The following LHX1 variants were observed in gnomAD, a reference collection of about 807,000 sequenced individuals.
LHX1 encodes the protein LIM/homeobox protein Lhx1.
A neutral mutation model predicts 34.1 loss-of-function variants in LHX1; 9 were observed. The observed-to-expected ratio is 0.26, with a 90% CI of 0.16 to 0.46. LHX1 has a LOEUF of 0.46. LHX1 is among the 20% of genes least tolerant of loss of function. The pLI is 1.00. For missense variants in LHX1, 446 were observed against 559.1 expected, an observed-to-expected ratio of 0.80 and a Z score of 2.04; for synonymous variants, 254 against 241.5, an observed-to-expected ratio of 1.05 and a Z score of -0.48.
chr17:36,939,927 G>C, intron 1 of LHX1: 1 of 409,284 alleles, frequency 2.4e-6, no homozygotes, highest in South Asian at 3.8e-5. Flanking sequence ...CGTTCCCCCC[G>C]CCCACACAGG....
intron 4 of LHX1, 84 bp downstream of exon 4, chr17:36,942,449 C>T (rs893103125): frequency 2.8e-6 from 4 of 1,409,872 alleles, no homozygotes; most frequent in African/African-American, 2.9e-5. Context: ...GGGCACGCCT[C>T]GCTCTCTGTA....
At chr17:36,937,162 A>G (rs1446284432), upstream of LHX1, 3 of 443,128 alleles carry the variant, frequency 6.8e-6, no homozygotes, top group Non-Finnish European at 1.4e-5. Context: ...ACGGAGGCAG[A>G]CAGAGCGTGG....
chr17:36,939,022 T>C (rs186788448), intron 1 of LHX1, among the ~76,000 whole-genome samples: 3 of 152,180 alleles, frequency 2.0e-5, no homozygotes, highest in Non-Finnish European at 4.4e-5. Context: ...AGTTGTCTGG[T>C]GGTTCGGCTT....
intron 3 of LHX1, among the ~76,000 whole-genome samples, 193 bp from the exon 4 acceptor site, chr17:36,942,007 C>G (rs1468809746): frequency 1.3e-5 from 2 of 152,222 alleles, no homozygotes; most frequent in Non-Finnish European, 2.9e-5. Flanking sequence ...GATTCCTGCT[C>G]ACCATTGGCT....
chr17:36,941,180 G>A (rs984366727), intron 3 of LHX1: 2 of 683,790 alleles, frequency 2.9e-6, no homozygotes, highest in African/African-American at 3.5e-5. Flanking sequence ...AGAGAGTGGG[G>A]AGCCCTCTTT....
rs111599710 is a variant in LHX1, at chr17:36,937,933, G to A, written c.-265G>A. 0.026 allele frequency: 15,568 copies of A among 601,460 alleles called. 290 individuals carry two copies. Among genetic ancestry groups the A allele is most frequent in the African/African-American group, 0.045 (2,407 of 54,042 alleles). 37.3% of individuals were successfully genotyped at this position (601,460 alleles called of 1,614,324 possible). A position where few individuals can be genotyped will look rare whatever the true frequency, so the allele number is the denominator to read the frequency against. On this transcript the variant is annotated 5_prime_UTR_variant, in exon 1 of 5. Coordinates refer to ENST00000614239, the MANE Select transcript of LHX1 (RefSeq NM_005568.5). Reference sequence around the variant, plus strand: ...GCCTGAGACTTCTTTTCCTCGCCCCGGGAGCTCAGGCGGCGCCGCTCCAGC... The same window carrying A: ...GCCTGAGACTTCTTTTCCTCGCCCCAGGAGCTCAGGCGGCGCCGCTCCAGC...
At chr17:36,942,722 A>G in intron 4 of LHX1, 30 bp from the exon 5 acceptor site, 1 of 1,462,276 alleles carries the variant, frequency 6.8e-7, no homozygotes, top group South Asian at 1.4e-5. Flanking sequence ...CCGGGCCCTG[A>G]CGTCCTGCGC....
Position 36,942,785 on chromosome 17 carries a change from A to G in LHX1, c.875A>G (p.Asn292Ser), listed in dbSNP as rs2070774388. The change falls in exon 5 of 5, where the codon AAC (asparagine) becomes AGC (serine). Residue 292 changes from asparagine (N) to serine (S), a missense_variant. Transcript: ENST00000614239. ...AGCGAGTACTACGGGCCCGGGGGCAACTACGACTTCTTCCCGCAAGGCCCC... is the reference window on the plus strand; with the variant it reads ...AGCGAGTACTACGGGCCCGGGGGCAGCTACGACTTCTTCCCGCAAGGCCCC... ...YQSEYYGPGG[N>S]YDFFPQGPPS... 5 of 1,544,116 alleles carry G rather than the reference A, an allele frequency of 3.2e-6. No individual in the cohort carries two copies. The highest frequency in any genetic ancestry group is 4.4e-6 in the Non-Finnish European group (5 of 1,141,964).
At chr17:36,940,934 A>T (rs373422723) in intron 3 of LHX1, 47 bp downstream of exon 3, 24 of 1,545,012 alleles carry the variant, frequency 1.6e-5, no homozygotes, top group Non-Finnish European at 2.0e-5. Context: ...CCACACTGCC[A>T]CTTTGGGCAC....
intron 2 of LHX1, 28 bp downstream of exon 2, chr17:36,940,544 G>C (rs1443987979): frequency 6.2e-7 from 1 of 1,613,736 alleles, no homozygotes; most frequent in Non-Finnish European, 8.5e-7. Flanking sequence ...GGCTGGCTAG[G>C]TGCAAGCGGG....
At chr17:36,941,026 G>C (rs1176603130) in intron 3 of LHX1, 139 bp downstream of exon 3, 2 of 1,310,920 alleles carry the variant, frequency 1.5e-6, no homozygotes. Context: ...CACATCCCGA[G>C]CCTGCGGGAC....
chr17:36,941,094 G>A (rs1443961726), intron 3 of LHX1: 1 of 823,116 alleles, frequency 1.2e-6, no homozygotes. Context: ...GCCCAACAGA[G>A]GTGATCGTGG....
intron 3 of LHX1, chr17:36,941,439 C>G: frequency 3.1e-6 from 1 of 320,400 alleles, no homozygotes; most frequent in Non-Finnish European, 6.1e-6. Context: ...TGGGAGCCTA[C>G]CTGGAGGCAG....
In LHX1 at chr17:36,940,902, C is replaced by G; in HGVS notation, c.675+15C>G. 1 of 1,569,450 alleles carries G rather than the reference C, an allele frequency of 6.4e-7. No individual in the cohort carries two copies. Among genetic ancestry groups the G allele is most frequent in the Non-Finnish European group, 8.6e-7 (1 of 1,162,620 alleles). On this transcript the variant is annotated intron_variant, in intron 3 of 4. Coordinates refer to ENST00000614239, the MANE Select transcript of LHX1 (RefSeq NM_005568.5). The stretch of plus-strand genomic sequence containing the variant: ...GCGTCATTCAGGTCAGGCCCCGGCG[C>G]GCCTCTCCATCCCACAGAGGCCCAC...
chr17:36,941,102 T>C (rs1025016813), intron 3 of LHX1: 1 of 796,682 alleles, frequency 1.3e-6, no homozygotes, highest in South Asian at 1.5e-5. Context: ...GAGGTGATCG[T>C]GGCAGTGGAG....
chr17:36,938,255 C>G lies in LHX1; in HGVS notation c.58C>G (p.Leu20Val), dbSNP rs2070742002. The G allele has an allele frequency of 6.2e-7, 1 of 1,614,010 alleles. No individual in the cohort carries two copies. The highest frequency in any genetic ancestry group is 1.3e-5 in the African/African-American group (1 of 74,908). ...CCTGGACCGCTTTCTCTTGAACGTG[C>G]TGGACAGGGCCTGGCACGTCAAGTG... ...PILDRFLLNV[L>V]DRAWHVKCVQ... The change falls in exon 1 of 5, where the codon CTG becomes GTG. Residue 20 changes from leucine to valine, a missense_variant. Coordinates refer to ENST00000614239, the MANE Select transcript of LHX1 (RefSeq NM_005568.5).
At chr17:36,937,322 A>T (rs1470429997), upstream of LHX1, 35 of 398,404 alleles carry the variant, frequency 8.8e-5, 1 homozygote, top group South Asian at 6.2e-4. Context: ...GGAGGCCGCC[A>T]GGCAGGCCAA....
intron 1 of LHX1, chr17:36,939,947 T>G: frequency 2.1e-6 from 1 of 476,284 alleles, no homozygotes; most frequent in Non-Finnish European, 3.8e-6. Flanking sequence ...GTCACTGCCT[T>G]GCCACCTTCT....
rs1483164454 is a variant in LHX1 at position 36,938,346 on chromosome 17, A to T, written c.149A>T (p.Tyr50Phe). The change falls in exon 1 of 5, where the codon TAC becomes TTC. Residue 50 changes from tyrosine to phenylalanine, a missense_variant. By Grantham distance (22) the Tyr-to-Phe change is conservative (BLOSUM62 3). Coordinates refer to ENST00000614239, the MANE Select transcript of LHX1 (RefSeq NM_005568.5). ...EKCFSREGKL[Y>F]CKNDFFRCFG... is the part of the protein sequence containing the mutation. ...TGCTTCTCCAGGGAAGGCAAACTCT[A>T]CTGCAAGAACGACTTCTTCCGGTGA... 1 of 1,613,966 alleles carries T rather than the reference A, an allele frequency of 6.2e-7. No homozygotes were observed. The highest frequency in any genetic ancestry group is 2.2e-5 in the East Asian group (1 of 44,860).
Sources: allele counts gnomAD v4.1 joint callset (sites outside exome capture counted in the v4.1 genomes callset), GRCh38; gene constraint gnomAD v4.1.1; transcripts MANE v1.5; gene names NCBI Gene and HGNC (gene_info 2026-07-23, HGNC 2026-07-21).